Variants in RIMBP2 observed in about 807,000 individuals in gnomAD.
RIMBP2 encodes the protein RIMS binding protein 2.
A neutral mutation model predicts 118.6 loss-of-function variants in RIMBP2; 48 were observed. The ratio of observed to expected loss-of-function variants is 0.40; its 90% CI spans 0.32 to 0.51. The LOEUF is 0.51. RIMBP2 is among the 20% of genes least tolerant of loss of function. The probability of loss-of-function intolerance (pLI) is 0.41; values close to 1 mark genes in which losing one functional copy is unlikely to be tolerated. For synonymous variants in RIMBP2, 762 were observed against 742.9 expected (o/e 1.03, Z -0.42); for missense variants, 1,551 against 1,768.3 (o/e 0.88, Z 2.20).
At chr12:130,444,235 A>G (rs1030123658) in intron 10 of RIMBP2, among the ~76,000 whole-genome samples, 2 of 152,180 alleles carry the variant, frequency 1.3e-5, no homozygotes, top group Admixed American at 1.3e-4. Flanking sequence ...TCTTGGCTGG[A>G]CCATCCAGAG....
intron 11 of RIMBP2, among the ~76,000 whole-genome samples, chr12:130,440,639 G>C (rs2078043003): frequency 6.6e-6 from 1 of 152,202 alleles, no homozygotes; most frequent in African/African-American, 2.4e-5. Flanking sequence ...GGCATCGCGG[G>C]AGGCGTCAGT....
intron 4 of RIMBP2, among the ~76,000 whole-genome samples, chr12:130,490,405 G>A (rs1188768430): frequency 6.6e-6 from 1 of 152,134 alleles, no homozygotes; most frequent in Non-Finnish European, 1.5e-5. Context: ...TAGTTTGCTT[G>A]AAATTTTCCT....
At chr12:130,702,237 C>T (rs1047096774) in intron 1 of RIMBP2, among the ~76,000 whole-genome samples, 3 of 152,022 alleles carry the variant, frequency 2.0e-5, no homozygotes, top group Non-Finnish European at 2.9e-5. Flanking sequence ...ACATGTGGGA[C>T]CGGGCACAGT....
rs558440436 is a variant in RIMBP2 at position 130,402,382 on chromosome 12, C to G, written c.3766-2569G>C. On this transcript the variant is annotated intron_variant, in intron 21 of 22. Coordinates refer to ENST00000690449, the MANE Select transcript of RIMBP2 (RefSeq NM_001393629.1). ...CGACATTCTCTGTCCCTCTGACTGG[C>G]AGTCAGAACGCTGGATAAGATCATC... is the stretch of plus-strand genomic sequence containing the variant. 5.9e-5 allele frequency among the ~76,000 whole-genome samples: 9 copies of G among 152,238 alleles called. No homozygotes were observed. The East Asian group carries it at 1.7e-3, about 29-fold the overall frequency.
intron 2 of RIMBP2, among the ~76,000 whole-genome samples, chr12:130,609,771 TG>T (rs1200419888): frequency 2.0e-5 from 3 of 151,892 alleles, no homozygotes; most frequent in African/African-American, 4.8e-5. Flanking sequence ...GTCTGGGAAG[TG>T]GGGGTAGGGC....
intron 1 of RIMBP2, among the ~76,000 whole-genome samples, chr12:130,695,765 A>G (rs1355227266): frequency 1.3e-5 from 2 of 152,074 alleles, no homozygotes. Flanking sequence ...TGTCTAGGTG[A>G]AGGGCAGGCT....
At chr12:130,664,433 A>ACGCACAC (rs1566439159) in intron 1 of RIMBP2, among the ~76,000 whole-genome samples, 1 of 77,232 alleles carries the variant, frequency 1.3e-5, no homozygotes, top group South Asian at 4.0e-4. Context: ...ACACACATGC[A>ACGCACAC]TGCACGCACA....
At chr12:130,501,012 A>G (rs1226405934) in intron 4 of RIMBP2, among the ~76,000 whole-genome samples, 1 of 152,166 alleles carries the variant, frequency 6.6e-6, no homozygotes, top group East Asian at 1.9e-4. Context: ...GGGTCACGAC[A>G]CACTCCATCT....
chr12:130,447,165 C>G lies in RIMBP2; in HGVS notation c.582-1896G>C, dbSNP rs1189803573. On this transcript the variant is annotated intron_variant, in intron 9 of 22. Coordinates refer to ENST00000690449, the MANE Select transcript of RIMBP2 (RefSeq NM_001393629.1). The surrounding 1 kb of genome is among the most constrained non-coding windows in gnomAD (Gnocchi z 4.4). The stretch of plus-strand genomic sequence containing the variant: ...CACACCTGACGCTCAGGAAGAGAAG[C>G]TTCCCCAGGGAGCAGGTAGGGAAGA... Among the ~76,000 whole-genome samples, 7 of 151,898 alleles carry G rather than the reference C, an allele frequency of 4.6e-5. No homozygotes were observed. In the East Asian group the frequency reaches 1.4e-3, roughly 30 times the overall value.
At chr12:130,680,021 CCCA>C (rs2064700833) in intron 1 of RIMBP2, among the ~76,000 whole-genome samples, 1 of 152,114 alleles carries the variant, frequency 6.6e-6, no homozygotes, top group South Asian at 2.1e-4. Context: ...AGTGTGTTCA[CCCA>C]CCGTGGGAAG....
intron 1 of RIMBP2, among the ~76,000 whole-genome samples, chr12:130,656,630 G>A (rs1278226650): frequency 6.6e-6 from 1 of 151,944 alleles, no homozygotes; most frequent in East Asian, 1.9e-4. Flanking sequence ...GCTTGTGAGC[G>A]ACCTCCCCGC....
intron 22 of RIMBP2, chr12:130,397,915 GAAAGTTCAT>G: frequency 6.1e-6 from 1 of 164,964 alleles, no homozygotes. Context: ...CTTAAAAAGC[GAAAGTTCAT>G]AAAGGGAATT....
At chr12:130,438,336 C>CCGGGGG in intron 12 of RIMBP2, 29 bp downstream of exon 12, 1 of 844,138 alleles carries the variant, frequency 1.2e-6, no homozygotes, top group Non-Finnish European at 2.0e-6. Flanking sequence ...GCCTAACAAA[C>CCGGGGG]CCTCCCCACC....
Position 130,709,764 on chromosome 12 carries a change from C to G in RIMBP2, c.-352+6458G>C, listed in dbSNP as rs11061101. Among the ~76,000 whole-genome samples, 85 of 150,108 alleles carry G rather than the reference C, an allele frequency of 5.7e-4. No homozygotes were observed. The East Asian group carries it at 5.8e-3, about 10-fold the overall frequency. Reference sequence around the variant, plus strand: ...ACCCAACCCAGCGGCCCGTTCCTGACATTCCCATCGCGGACACACACTGGG... The same window carrying G: ...ACCCAACCCAGCGGCCCGTTCCTGAGATTCCCATCGCGGACACACACTGGG... On this transcript the variant is annotated intron_variant, in intron 1 of 22. Transcript: ENST00000690449.
chr12:130,499,233 T>C (rs536670815), intron 4 of RIMBP2, among the ~76,000 whole-genome samples: 1 of 152,280 alleles, frequency 6.6e-6, no homozygotes, highest in Admixed American at 6.5e-5. Flanking sequence ...ACCAGGTCTC[T>C]TCCCCAACAT....
intron 3 of RIMBP2, among the ~76,000 whole-genome samples, chr12:130,508,970 C>A (rs2050629778): frequency 6.6e-6 from 1 of 152,148 alleles, no homozygotes; most frequent in Non-Finnish European, 1.5e-5. Flanking sequence ...GCCTGCACCC[C>A]CCGTACCATC....
In RIMBP2 at chr12:130,442,707, G is replaced by C; in HGVS notation, c.692-47C>G. 1 of 1,514,262 alleles carries C rather than the reference G, an allele frequency of 6.6e-7. No individual in the cohort carries two copies. The highest frequency in any genetic ancestry group is 2.3e-5 in the East Asian group (1 of 43,666). 93.8% of individuals were successfully genotyped at this position (1,514,262 alleles called of 1,614,324 possible). A position where few individuals can be genotyped will look rare whatever the true frequency, so the allele number is the denominator to read the frequency against. Reference sequence around the variant, plus strand: ...TTATCACCCAGCCAACACAGCAGGGGCCTCGAGGCCCCCAGTGTACTCCCA... The same window carrying C: ...TTATCACCCAGCCAACACAGCAGGGCCCTCGAGGCCCCCAGTGTACTCCCA... On this transcript the variant is annotated intron_variant, in intron 10 of 22. Coordinates refer to ENST00000690449, the MANE Select transcript of RIMBP2 (RefSeq NM_001393629.1). This position sits in a 1 kb window ranked among gnomAD's most constrained non-coding sequence, Gnocchi z 6.9.
At chr12:130,540,563 C>T (rs1235464770) in intron 2 of RIMBP2, among the ~76,000 whole-genome samples, 2 of 152,210 alleles carry the variant, frequency 1.3e-5, no homozygotes, top group African/African-American at 2.4e-5. Context: ...ACCAGGTCAC[C>T]GCATCTGGAC....
At chr12:130,497,327 A>G (rs2049282205) in intron 4 of RIMBP2, among the ~76,000 whole-genome samples, 1 of 152,172 alleles carries the variant, frequency 6.6e-6, no homozygotes, top group Non-Finnish European at 1.5e-5. Flanking sequence ...TGGGCTCCGT[A>G]ATCACTGATT....
Sources: allele counts gnomAD v4.1 joint callset (sites outside exome capture counted in the v4.1 genomes callset), GRCh38; gene constraint gnomAD v4.1.1; non-coding constraint Gnocchi (gnomAD v3.1); transcripts MANE v1.5; gene names NCBI Gene and HGNC (gene_info 2026-07-23, HGNC 2026-07-21).